Variants in TWF1 observed in about 807,000 individuals in gnomAD.
The protein encoded by TWF1 is twinfilin actin binding protein 1.
A neutral mutation model predicts 47.9 loss-of-function variants in TWF1; 14 were observed. The observed-to-expected ratio is 0.29, with a 90% CI of 0.19 to 0.46. TWF1 has a LOEUF of 0.46. Ranked by LOEUF, TWF1 falls within the 20% of genes least tolerant of loss-of-function variation. TWF1 has a pLI of 1.00. For synonymous variants in TWF1, 96 were observed against 139.2 expected (o/e 0.69, Z 2.18); for missense variants, 281 against 409.3 (o/e 0.69, Z 2.70).
intron 5 of TWF1, 83 bp downstream of exon 5, chr12:43,799,315 G>C: frequency 1.1e-6 from 1 of 888,318 alleles, no homozygotes; most frequent in Non-Finnish European, 1.7e-6. Flanking sequence ...TTAATCTCTA[G>C]TTATCCTCCC....
At position 43,796,900 on chromosome 12, in the gene TWF1, A is replaced by G. The variant is rs1310621444; in HGVS notation, c.882+76T>C. ...AAATAAATATTTTCATTTATAAATC[A>G]CAGTACATCATAAACTACATAGAAA... is the stretch of plus-strand genomic sequence containing the variant. On this transcript the variant is annotated intron_variant, in intron 8 of 8. Coordinates refer to ENST00000395510, the MANE Select transcript of TWF1 (RefSeq NM_002822.5). 2.2e-6 allele frequency: 3 copies of G among 1,390,470 alleles called. No individual in the cohort carries two copies. The East Asian group carries it at 6.9e-5, about 32-fold the overall frequency. The allele number at this position is 1,390,470 out of a possible 1,614,324, so 86.1% of individuals were successfully genotyped here. A position where few individuals can be genotyped will look rare whatever the true frequency, so the allele number is the denominator to read the frequency against.
At chr12:43,796,478 A>G (rs1218574785) in intron 8 of TWF1, among the ~76,000 whole-genome samples, 1 of 152,130 alleles carries the variant, frequency 6.6e-6, no homozygotes, top group Non-Finnish European at 1.5e-5. Context: ...CCCAAAATTC[A>G]AATGTTTATG....
Position 43,799,388 on chromosome 12 carries a change from TG to T in TWF1, c.483+9del, listed in dbSNP as rs1262410944. ...TAAAATCTTGCAAAGACTTTGTAGT[TG>T]TAACTTACCTCATTGATTTTAATCT... On this transcript the variant is annotated intron_variant, in intron 5 of 8. Transcript: ENST00000395510. 3.2e-6 allele frequency: 5 copies of T among 1,573,774 alleles called. No homozygotes were observed. Among genetic ancestry groups the T allele is most frequent in the Non-Finnish European group, 4.4e-6 (5 of 1,149,374 alleles).
intron 1 of TWF1, chr12:43,805,472 T>C (rs1942742222): frequency 1.3e-5 from 6 of 449,402 alleles, no homozygotes; most frequent in South Asian, 6.3e-5. Flanking sequence ...ACTCGTTAAG[T>C]GATCGCGAGT....
At position 43,805,695 on chromosome 12, in the gene TWF1, A is replaced by G; in HGVS notation, c.25+526T>C. On this transcript the variant is annotated intron_variant, in intron 1 of 8. Coordinates refer to ENST00000395510, the MANE Select transcript of TWF1 (RefSeq NM_002822.5). Reference sequence around the variant, plus strand: ...CGAGATTTCTCAGAACATAACTCTCATTTTCCTATTTGGAGAGAAAATGCG... The same window carrying G: ...CGAGATTTCTCAGAACATAACTCTCGTTTTCCTATTTGGAGAGAAAATGCG... 5.7e-6 allele frequency: 5 copies of G among 881,216 alleles called. No homozygotes were observed. The East Asian group carries it at 2.9e-4, about 52-fold the overall frequency. The allele number at this position is 881,216 out of a possible 1,614,324, so 54.6% of individuals were successfully genotyped here. A position where few individuals can be genotyped will look rare whatever the true frequency, so the allele number is the denominator to read the frequency against.
chr12:43,797,196 A>G, intron 7 of TWF1, 99 bp from the exon 8 acceptor site: 1 of 1,481,436 alleles, frequency 6.8e-7, no homozygotes, highest in East Asian at 2.3e-5. Context: ...CAGAAACTTC[A>G]TAAAACTACA....
At position 43,794,173 on chromosome 12, in the gene TWF1, A is replaced by T. The variant is rs543458117; in HGVS notation, c.*1412T>A. The T allele has an allele frequency of 4.6e-5, 7 of 152,644 alleles. No homozygotes were observed. The highest frequency in any genetic ancestry group is 1.5e-5 in the Non-Finnish European group (1 of 68,036). 9.5% of individuals were successfully genotyped at this position (152,644 alleles called of 1,614,324 possible). The stretch of plus-strand genomic sequence containing the variant: ...TGTGTGTCTGTCTACGTGTACACCC[A>T]TGGAACAACTTATATCTTTAGTAAA... On this transcript the variant is annotated 3_prime_UTR_variant, in exon 9 of 9. Coordinates refer to ENST00000395510, the MANE Select transcript of TWF1 (RefSeq NM_002822.5).
At chr12:43,802,752 G>C (rs1236621281) in intron 2 of TWF1, among the ~76,000 whole-genome samples, 2 of 152,044 alleles carry the variant, frequency 1.3e-5, no homozygotes, top group Admixed American at 6.6e-5. Flanking sequence ...ATAATGTAAT[G>C]ACCTATAACA....
chr12:43,794,173 A>G lies in TWF1; in HGVS notation c.*1412T>C, dbSNP rs543458117. The G allele has an allele frequency of 3.3e-5, 5 of 152,762 alleles. No individual in the cohort carries two copies. The South Asian group carries it at 6.2e-4, about 19-fold the overall frequency. The allele number at this position is 152,762 out of a possible 1,614,324, so 9.5% of individuals were successfully genotyped here. A position where few individuals can be genotyped will look rare whatever the true frequency, so the allele number is the denominator to read the frequency against. Reference sequence around the variant, plus strand: ...TGTGTGTCTGTCTACGTGTACACCCATGGAACAACTTATATCTTTAGTAAA... The same window carrying G: ...TGTGTGTCTGTCTACGTGTACACCCGTGGAACAACTTATATCTTTAGTAAA... On this transcript the variant is annotated 3_prime_UTR_variant, in exon 9 of 9. Transcript: ENST00000395510.
At chr12:43,796,814 C>G (rs1241229155) in intron 8 of TWF1, among the ~76,000 whole-genome samples, 162 bp downstream of exon 8, 1 of 151,990 alleles carries the variant, frequency 6.6e-6, no homozygotes, top group Non-Finnish European at 1.5e-5. Flanking sequence ...AGATGGGGAT[C>G]ATGACAGGTA....
At chr12:43,797,887 A>G in intron 5 of TWF1, 54 bp from the exon 6 acceptor site, 1 of 1,555,514 alleles carries the variant, frequency 6.4e-7, no homozygotes. Context: ...ATCCTATGGC[A>G]AACATAAGAA....
chr12:43,798,666 G>C (rs912110560), intron 5 of TWF1: 2 of 1,369,198 alleles, frequency 1.5e-6, no homozygotes, highest in Non-Finnish European at 2.0e-6. Context: ...CAAATAATAT[G>C]AATTAAAATA....
rs1181536051 is a variant in TWF1 at position 43,802,613 on chromosome 12, A to C, written c.104-149T>G. The C allele has an allele frequency of 6.4e-6, 4 of 622,448 alleles. No homozygotes were observed. The East Asian group carries it at 1.2e-4, about 18-fold the overall frequency. 38.6% of individuals were successfully genotyped at this position (622,448 alleles called of 1,614,324 possible). A position where few individuals can be genotyped will look rare whatever the true frequency, so the allele number is the denominator to read the frequency against. ...GAAAAGAAAAATGTGGTAACATAGA[A>C]AGTAATTATGACATAGAGTATTATA... On this transcript the variant is annotated intron_variant, in intron 2 of 8. Coordinates refer to ENST00000395510, the MANE Select transcript of TWF1 (RefSeq NM_002822.5).
At chr12:43,804,308 A>T in intron 2 of TWF1, 187 bp downstream of exon 2, 1 of 588,010 alleles carries the variant, frequency 1.7e-6, no homozygotes, top group South Asian at 1.7e-5. Flanking sequence ...CCTGATAGTC[A>T]CATAATTCAG....
intron 5 of TWF1, 48 bp from the exon 6 acceptor site, chr12:43,797,881 T>G: frequency 6.4e-7 from 1 of 1,572,530 alleles, no homozygotes; most frequent in Non-Finnish European, 8.6e-7. Flanking sequence ...AGCAGTATCC[T>G]ATGGCAAACA....
chr12:43,798,036 G>A (rs1465095728), intron 5 of TWF1, among the ~76,000 whole-genome samples: 1 of 152,134 alleles, frequency 6.6e-6, no homozygotes, highest in Non-Finnish European at 1.5e-5. Context: ...AATGTTGGAA[G>A]TGAACATTTG....
In TWF1 at chr12:43,796,980, C is replaced by G; in HGVS notation, c.878G>C (p.Arg293Thr). Reference sequence around the variant, plus strand: ...ATTTTAAAATAGGTGGGCTACCTTTCTAATTACATCCATTTGTAGTTGTCT... The same window carrying G: ...ATTTTAAAATAGGTGGGCTACCTTTGTAATTACATCCATTTGTAGTTGTCT... ...VERQLQMDVIRKIEIDNGDEL... is the reference protein window; with the variant it reads ...VERQLQMDVITKIEIDNGDEL... The change falls in exon 8 of 9, where the codon AGA becomes ACA. Residue 293 changes from arginine (R) to threonine (T), a missense_variant. Physicochemically the swap from Arg to Thr is moderately conservative, Grantham distance 71 (BLOSUM62 -1). Transcript: ENST00000395510. 3.1e-6 allele frequency: 5 copies of G among 1,606,828 alleles called. No homozygotes were observed. The highest frequency in any genetic ancestry group is 4.2e-6 in the Non-Finnish European group (5 of 1,178,448).
intron 2 of TWF1, among the ~76,000 whole-genome samples, chr12:43,803,330 GT>G (rs1391921519): frequency 6.6e-6 from 1 of 152,106 alleles, no homozygotes; most frequent in Non-Finnish European, 1.5e-5. Context: ...CCCAATTGTA[GT>G]TGCCCCAGGG....
At chr12:43,798,836 C>A (rs1411543353) in intron 5 of TWF1, among the ~76,000 whole-genome samples, 1 of 151,984 alleles carries the variant, frequency 6.6e-6, no homozygotes, top group African/African-American at 2.4e-5. Flanking sequence ...AGTAGAAATA[C>A]AGTAGTTATT....
Sources: gnomAD v4.1 joint callset for allele counts (sites outside exome capture counted in the v4.1 genomes callset) on GRCh38, gnomAD v4.1.1 for gene constraint, MANE v1.5 for transcripts, NCBI Gene and HGNC (gene_info 2026-07-23, HGNC 2026-07-21) for gene names.